Variants in GALNT13 observed in about 807,000 individuals in gnomAD.
The protein encoded by GALNT13 is polypeptide N-acetylgalactosaminyltransferase 13, also known as UDP-GalNAc:polypeptide N-acetylgalactosaminyltransferase 13.
Under a neutral mutation model 64.2 loss-of-function variants are expected in GALNT13, and 28 were observed. The observed-to-expected ratio is 0.44, with a 90% CI of 0.32 to 0.60. GALNT13 has a LOEUF of 0.60. GALNT13 is among the 20% of genes least tolerant of loss of function. GALNT13 has a pLI of 0.05. For synonymous variants in GALNT13, 214 were observed against 224.6 expected (o/e 0.95, Z 0.42); for missense variants, 577 against 669.8 (o/e 0.86, Z 1.53).
chr2:154,126,832 TG>T (rs1682309011), intron 3 of GALNT13, among the ~76,000 whole-genome samples: 1 of 152,016 alleles, frequency 6.6e-6, no homozygotes, highest in Non-Finnish European at 1.5e-5. Context: ...TTTATTCACT[TG>T]GGGGTCTCCC....
At chr2:153,676,777 C>T in the GALNT13 span, among the ~76,000 whole-genome samples, 1 of 152,032 alleles carries the variant, frequency 6.6e-6, no homozygotes, top group Non-Finnish European at 1.5e-5. Context: ...AAACAAAAAC[C>T]ACATCGTTAT....
chr2:153,500,728 G>C, the GALNT13 span, among the ~76,000 whole-genome samples: 1 of 119,500 alleles, frequency 8.4e-6, no homozygotes, highest in Non-Finnish European at 1.7e-5. Context: ...GATCAAACAA[G>C]AGGATCAAAA....
At chr2:153,317,788 A>G in the GALNT13 span, among the ~76,000 whole-genome samples, 1 of 152,184 alleles carries the variant, frequency 6.6e-6, no homozygotes, top group Admixed American at 6.5e-5. Context: ...TCAGAGACAA[A>G]ATATCAGAAT....
chr2:153,735,493 C>T, the GALNT13 span, among the ~76,000 whole-genome samples: 2 of 152,114 alleles, frequency 1.3e-5, no homozygotes, highest in African/African-American at 4.8e-5. Flanking sequence ...GCTAGGCCAT[C>T]TTGATATGGA....
At chr2:153,724,585 C>T in the GALNT13 span, among the ~76,000 whole-genome samples, 2 of 111,528 alleles carry the variant, frequency 1.8e-5, no homozygotes, top group Admixed American at 1.8e-4. Flanking sequence ...CCAGAATCTA[C>T]AATGAACTCA....
chr2:154,347,514 G>T (rs1208150804), intron 9 of GALNT13, among the ~76,000 whole-genome samples: 1 of 151,740 alleles, frequency 6.6e-6, no homozygotes, highest in Non-Finnish European at 1.5e-5. Flanking sequence ...GTCAGATTTG[G>T]TCTCTCCATA....
At chr2:153,748,093 G>C in the GALNT13 span, among the ~76,000 whole-genome samples, 1 of 152,072 alleles carries the variant, frequency 6.6e-6, no homozygotes, top group Admixed American at 6.6e-5. Context: ...GCCATTAAAA[G>C]TAATGGCAAT....
the GALNT13 span, among the ~76,000 whole-genome samples, chr2:153,109,235 G>T: frequency 6.6e-6 from 1 of 152,080 alleles, no homozygotes; most frequent in African/African-American, 2.4e-5. Flanking sequence ...CATCTACCTG[G>T]CTAATAAAAC....
At chr2:153,727,421 C>A in the GALNT13 span, among the ~76,000 whole-genome samples, 1 of 151,994 alleles carries the variant, frequency 6.6e-6, no homozygotes, top group African/African-American at 2.4e-5. Flanking sequence ...TTATTCTTTT[C>A]TATAATAAAT....
chr2:154,092,075 GAAAAAAA>G (rs58406719), intron 3 of GALNT13, among the ~76,000 whole-genome samples: 73 of 74,520 alleles, frequency 9.8e-4, no homozygotes, highest in East Asian at 4.2e-3. Context: ...TTCATGTCTG[GAAAAAAA>G]AAAAAAAAAA....
At chr2:154,052,973 G>A (rs541773368) in intron 3 of GALNT13, among the ~76,000 whole-genome samples, 3 of 152,040 alleles carry the variant, frequency 2.0e-5, no homozygotes, top group South Asian at 2.1e-4. Flanking sequence ...TCCTGACCTC[G>A]TGATCCACGA....
chr2:153,715,516 C>T, the GALNT13 span, among the ~76,000 whole-genome samples: 2 of 152,240 alleles, frequency 1.3e-5, no homozygotes, highest in African/African-American at 4.8e-5. Flanking sequence ...TGCAGTTCTC[C>T]CAGCAGGTTT....
intron 3 of GALNT13, among the ~76,000 whole-genome samples, chr2:154,116,540 A>T (rs1187300298): frequency 6.6e-6 from 1 of 152,168 alleles, no homozygotes; most frequent in Non-Finnish European, 1.5e-5. Flanking sequence ...TGTCCACTGA[A>T]CTAGGAGCAA....
the GALNT13 span, among the ~76,000 whole-genome samples, chr2:153,285,190 G>A: frequency 6.6e-6 from 1 of 152,048 alleles, no homozygotes; most frequent in Admixed American, 6.6e-5. Flanking sequence ...AAAACCATCA[G>A]ATCTCATGAG....
chr2:154,216,705 A>G (rs1688060254), intron 4 of GALNT13, among the ~76,000 whole-genome samples: 1 of 151,938 alleles, frequency 6.6e-6, no homozygotes, highest in Admixed American at 6.6e-5. Flanking sequence ...ATCTGTCTGC[A>G]TATAATAATT....
chr2:153,115,031 A>T, the GALNT13 span, among the ~76,000 whole-genome samples: 1 of 151,436 alleles, frequency 6.6e-6, no homozygotes, highest in African/African-American at 2.5e-5. Flanking sequence ...GCTTCTTGTG[A>T]TAGCTAAATG....
intron 9 of GALNT13, among the ~76,000 whole-genome samples, chr2:154,341,917 G>A (rs540468091): frequency 5.3e-5 from 8 of 152,066 alleles, no homozygotes; most frequent in African/African-American, 1.9e-4. Context: ...CAAAGATAGA[G>A]CCAAGAGTGT....
At chr2:153,364,179 A>G in the GALNT13 span, among the ~76,000 whole-genome samples, 1 of 152,166 alleles carries the variant, frequency 6.6e-6, no homozygotes, top group Non-Finnish European at 1.5e-5. Flanking sequence ...CCTTTGATAA[A>G]ATTCAACATC....
chr2:154,327,619 G>T (rs545057389), intron 9 of GALNT13, among the ~76,000 whole-genome samples: 1 of 152,164 alleles, frequency 6.6e-6, no homozygotes, highest in Admixed American at 6.5e-5. Context: ...TCTGAAGCCT[G>T]TCCTGCTTAT....
Sources: allele counts gnomAD v4.1 joint callset (sites outside exome capture counted in the v4.1 genomes callset), GRCh38; gene constraint gnomAD v4.1.1; transcripts MANE v1.5; gene names NCBI Gene and HGNC (gene_info 2026-07-23, HGNC 2026-07-21).